KRT14: variants seen among roughly 807,000 people sequenced by gnomAD.
The protein encoded by KRT14 is keratin 14.
Under a neutral mutation model 44.5 loss-of-function variants are expected in KRT14, and 30 were observed. The ratio of observed to expected loss-of-function variants is 0.67; its 90% confidence interval spans 0.50 to 0.92. The LOEUF (loss-of-function observed/expected upper bound fraction) is 0.92, where lower values mean the gene tolerates loss of function less well. Among genes scored for constraint, KRT14 ranks in the 40% least tolerant of loss-of-function variants. The pLI is 0.00. For synonymous variants in KRT14, 241 were observed against 257.6 expected, an observed-to-expected ratio of 0.94 and a Z score of 0.62; for missense variants, 535 against 640.6, an observed-to-expected ratio of 0.84 and a Z score of 1.78.
chr17:41,584,835 G>A (rs1347442366), intron 2 of KRT14, 140 bp downstream of exon 2: 1 of 722,704 alleles, frequency 1.4e-6, no homozygotes, highest in Non-Finnish European at 2.5e-6. Flanking sequence ...TGGGGCCCAA[G>A]AGTCTTATTC....
In KRT14 at chr17:41,586,728, G is replaced by C; in HGVS notation, c.107C>G (p.Ala36Gly). ...GGSSRISSVLAGGSCRAPSTY... is the reference protein window; with the variant it reads ...GGSSRISSVLGGGSCRAPSTY... ...GCTGGGGGCGCGGCAGGACCCTCCG[G>C]CCAGGACGGAGGAGATGCGGCTGGA... The change falls in exon 1 of 8, where the codon GCC becomes GGC. Residue 36 changes from alanine to glycine, a missense_variant. Ala to Gly is a moderately conservative substitution (Grantham distance 60). Coordinates refer to ENST00000167586, the MANE Select transcript of KRT14 (RefSeq NM_000526.5). 8.8e-6 allele frequency: 14 copies of C among 1,587,946 alleles called. No individual in the cohort carries two copies. Among genetic ancestry groups the C allele is most frequent in the Non-Finnish European group, 1.1e-5 (13 of 1,167,980 alleles).
At chr17:41,584,577 G>T in intron 2 of KRT14, 164 bp from the exon 3 acceptor site, 2 of 719,268 alleles carry the variant, frequency 2.8e-6, no homozygotes, top group Non-Finnish European at 2.4e-6. Flanking sequence ...TGATTGCTCA[G>T]ATATGAACAT....
Position 41,586,526 on chromosome 17 carries a change from G to A in KRT14, c.309C>T (p.Gly103=), listed in dbSNP as rs759783771. 2.6e-5 allele frequency: 42 copies of A among 1,613,752 alleles called. 1 individual carries two copies. Among genetic ancestry groups the A allele is most frequent in the South Asian group, 7.7e-5 (7 of 91,052 alleles). Residue 103 remains glycine (G), a synonymous_variant, in exon 1 of 8, where the codon GGC becomes GGT. Transcript: ENST00000167586. ...GAGLGGGFGG[G]FAGGDGLLVG... ...CCAGAAGCCCATCACCACCAGCAAA[G>A]CCACCACCAAAGCCACCACCCAAGC...
chr17:41,582,989 A>G, intron 7 of KRT14, 105 bp downstream of exon 7: 1 of 1,097,544 alleles, frequency 9.1e-7, no homozygotes, highest in Non-Finnish European at 1.4e-6. Context: ...ACTGGGTGAC[A>G]GCACTAGAGC....
At position 41,582,335 on chromosome 17, in the gene KRT14, C is replaced by A; in HGVS notation, c.*100G>T. ...TTGCCAGGAGGGGGTGAGGGTGAAGCAGGGTCCAGCTGTGAAGTGCTTGGG... is the reference window on the plus strand; with the variant it reads ...TTGCCAGGAGGGGGTGAGGGTGAAGAAGGGTCCAGCTGTGAAGTGCTTGGG... On this transcript the variant is annotated 3_prime_UTR_variant, in exon 8 of 8. Coordinates refer to ENST00000167586, the MANE Select transcript of KRT14 (RefSeq NM_000526.5). 2.4e-6 allele frequency: 2 copies of A among 845,150 alleles called. No homozygotes were observed. Among genetic ancestry groups the A allele is most frequent in the Non-Finnish European group, 2.0e-6 (1 of 511,814 alleles). The allele number at this position is 845,150 out of a possible 1,614,324, so 52.4% of individuals were successfully genotyped here.
At chr17:41,584,929 C>T (rs1383768218) in intron 2 of KRT14, 46 bp downstream of exon 2, 2 of 1,475,120 alleles carry the variant, frequency 1.4e-6, no homozygotes, top group Non-Finnish European at 1.9e-6. Context: ...CAAAAATGCC[C>T]TACTCTGGGG....
chr17:41,583,205 G>A, intron 6 of KRT14, 30 bp downstream of exon 6: 1 of 1,613,026 alleles, frequency 6.2e-7, no homozygotes. Context: ...GCCATGGGGG[G>A]GGCGGACTAA....
chr17:41,583,299 C>T lies in KRT14; in HGVS notation c.1210G>A (p.Val404Met), dbSNP rs752958645. Residue 404 changes from valine (V) to methionine (M), a missense_variant, in exon 6 of 8, where the codon GTG (valine) becomes ATG (methionine). Coordinates refer to ENST00000167586, the MANE Select transcript of KRT14 (RefSeq NM_000526.5). ...ATCTCCTGCTCCAGCCGCGTCTTCA[C>T]GTCCAGCAGGATCTTGTACTCCTGG... ...QNQEYKILLD[V>M]KTRLEQEIAT... 8.7e-6 allele frequency: 14 copies of T among 1,613,604 alleles called. No homozygotes were observed. In the African/African-American group the frequency reaches 9.3e-5, roughly 11 times the overall value.
Position 41,584,993 on chromosome 17 carries a change from G to A in KRT14, c.590C>T (p.Ala197Val), listed in dbSNP as rs1453932367. The change falls in exon 2 of 8, where the codon GCG becomes GTG. Residue 197 changes from alanine (A) to valine (V), a missense_variant. Physicochemically the swap from Ala to Val is moderately conservative, Grantham distance 64. Coordinates refer to ENST00000167586, the MANE Select transcript of KRT14 (RefSeq NM_000526.5). ...LLQIDNARLAADDFRTKYETE... is the reference protein window; with the variant it reads ...LLQIDNARLAVDDFRTKYETE... ...AACTCACTTGGTGCGGAAGTCATCC[G>A]CGGCCAGACGGGCATTGTCAATCTG... is the stretch of plus-strand genomic sequence containing the variant. The A allele has an allele frequency of 5.6e-5, 91 of 1,613,922 alleles. No homozygotes were observed. Among genetic ancestry groups the A allele is most frequent in the South Asian group, 8.8e-5 (8 of 91,080 alleles).
At chr17:41,586,061 A>G (rs1278529588) in intron 1 of KRT14, among the ~76,000 whole-genome samples, 2 of 152,188 alleles carry the variant, frequency 1.3e-5, no homozygotes, top group African/African-American at 4.8e-5. Context: ...TGCTTCCTCT[A>G]AAAAATGTAA....
chr17:41,584,995 G>A lies in KRT14; in HGVS notation c.588C>T (p.Ala196=), dbSNP rs192069715. ...VLLQIDNARL[A]ADDFRTKYET... ...CTCACTTGGTGCGGAAGTCATCCGC[G>A]GCCAGACGGGCATTGTCAATCTGCA... The change falls in exon 2 of 8, where the codon GCC becomes GCT. Residue 196 remains alanine (A), a synonymous_variant. Coordinates refer to ENST00000167586, the MANE Select transcript of KRT14 (RefSeq NM_000526.5). 429 of 1,613,914 alleles carry A rather than the reference G, an allele frequency of 2.7e-4. 3 individuals carry two copies. The South Asian group carries it at 3.7e-3, about 14-fold the overall frequency.
chr17:41,583,704 C>T, intron 4 of KRT14, 28 bp from the exon 5 acceptor site: 1 of 1,614,238 alleles, frequency 6.2e-7, no homozygotes, highest in Non-Finnish European at 8.5e-7. Context: ...CCATTCACAC[C>T]AGAAGGCCCC....
At position 41,583,862 on chromosome 17, in the gene KRT14, T is replaced by G. The variant is rs1907427027; in HGVS notation, c.825A>C (p.Ala275=). 6.2e-7 allele frequency: 1 copy of G among 1,614,054 alleles called. No individual in the cohort carries two copies. The highest frequency in any genetic ancestry group is 8.5e-7 in the Non-Finnish European group (1 of 1,179,994). The part of the protein sequence containing the change: ...GGDVNVEMDA[A]PGVDLSRILN... Reference sequence around the variant, plus strand: ...GAATGCGGCTCAGGTCCACGCCAGGTGCAGCGTCCATCTCCACATTGACAT... The same window carrying G: ...GAATGCGGCTCAGGTCCACGCCAGGGGCAGCGTCCATCTCCACATTGACAT... Residue 275 remains alanine, a synonymous_variant, in exon 4 of 8, where the codon GCA becomes GCC. Transcript: ENST00000167586.
chr17:41,583,810 T>C lies in KRT14; in HGVS notation c.877A>G (p.Lys293Glu). Residue 293 changes from lysine to glutamate, a missense_variant, in exon 4 of 8, where the codon AAG (lysine) becomes GAG (glutamate). Lys to Glu is a moderately conservative substitution (Grantham distance 56). Coordinates refer to ENST00000167586, the MANE Select transcript of KRT14 (RefSeq NM_000526.5). ...TCCTTGCGGTTCTTCTCTGCCATCT[T>C]CTCATACTGGTCACGCATCTCGTTC... ...ILNEMRDQYEKMAEKNRKDAE... is the reference protein window; with the variant it reads ...ILNEMRDQYEEMAEKNRKDAE... The C allele has an allele frequency of 6.2e-7, 1 of 1,614,174 alleles. No homozygotes were observed.
rs374932070 is a variant in KRT14, at chr17:41,584,298, G to A, written c.724C>T (p.Leu242=). The change falls in exon 3 of 8, where the codon CTG becomes TTG. Residue 242 remains leucine, a synonymous_variant. Coordinates refer to ENST00000167586, the MANE Select transcript of KRT14 (RefSeq NM_000526.5). ...RADLEMQIES[L]KEELAYLKKN... ...TTCAGGTAGGCCAGCTCCTCCTTCA[G>A]GCTCTCAATCTGCATCTCCAGGTCA... The A allele has an allele frequency of 1.2e-6, 2 of 1,613,772 alleles. No individual in the cohort carries two copies. Among genetic ancestry groups the A allele is most frequent in the African/African-American group, 2.7e-5 (2 of 74,888 alleles).
intron 2 of KRT14, 119 bp from the exon 3 acceptor site, chr17:41,584,532 A>G (rs1344428143): frequency 8.3e-6 from 9 of 1,079,164 alleles, no homozygotes; most frequent in East Asian, 7.5e-5. Context: ...TAAGGAGCCA[A>G]TCTTGAAAAT....
rs186369798 is a variant in KRT14, at chr17:41,583,849, G to T, written c.838C>A (p.Leu280Met). The T allele has an allele frequency of 6.2e-7, 1 of 1,614,116 alleles. No homozygotes were observed. The highest frequency in any genetic ancestry group is 2.2e-5 in the East Asian group (1 of 44,882). ...VEMDAAPGVD[L>M]SRILNEMRDQ... ...CGCATCTCGTTCAGAATGCGGCTCA[G>T]GTCCACGCCAGGTGCAGCGTCCATC... Residue 280 changes from leucine to methionine, a missense_variant, in exon 4 of 8, where the codon CTG becomes ATG. Physicochemically the swap from Leu to Met is conservative, Grantham distance 15. Transcript: ENST00000167586.
chr17:41,586,360 T>C lies in KRT14; in HGVS notation c.475A>G (p.Ile159Val). 2 of 1,613,124 alleles carry C rather than the reference T, an allele frequency of 1.2e-6. No individual in the cohort carries two copies. Among genetic ancestry groups the C allele is most frequent in the South Asian group, 2.2e-5 (2 of 91,030 alleles). Reference sequence around the variant, plus strand: ...TTGAAGTAGGGACTGTAGTCTTTGATCTCAGCAGGCCGCTGCCTCTGGTAC... The same window carrying C: ...TTGAAGTAGGGACTGTAGTCTTTGACCTCAGCAGGCCGCTGCCTCTGGTAC... ...DWYQRQRPAE[I>V]KDYSPYFKTI... Residue 159 changes from isoleucine to valine, a missense_variant, in exon 1 of 8, where the codon ATC (isoleucine) becomes GTC (valine). By Grantham distance (29) the Ile-to-Val change is conservative. Transcript: ENST00000167586.
Position 41,584,193 on chromosome 17 carries a change from C to T in KRT14, c.765+64G>A. ...CCTCCCAAGTAGCTGGGACTATGGG[C>T]ACGCACCACTGTACCCAGCCTCCCT... On this transcript the variant is annotated intron_variant, in intron 3 of 7. Coordinates refer to ENST00000167586, the MANE Select transcript of KRT14 (RefSeq NM_000526.5). 2.6e-6 allele frequency: 4 copies of T among 1,530,564 alleles called. No individual in the cohort carries two copies. The South Asian group carries it at 4.5e-5, about 17-fold the overall frequency. The allele number at this position is 1,530,564 out of a possible 1,614,324, so 94.8% of individuals were successfully genotyped here.
Sources: gnomAD v4.1 joint callset for allele counts (sites outside exome capture counted in the v4.1 genomes callset) on GRCh38, gnomAD v4.1.1 for gene constraint, MANE v1.5 for transcripts, NCBI Gene and HGNC (gene_info 2026-07-23, HGNC 2026-07-21) for gene names.